TUT4: variants seen among roughly 807,000 people sequenced by gnomAD.
TUT4 encodes the protein terminal uridylyl transferase 4, also known as terminal uridylyltransferase 4.
In TUT4, 36 loss-of-function variants were observed where a neutral mutation model predicts 192.2. That is an observed-to-expected ratio of 0.19 (90% confidence interval 0.14 to 0.25). The LOEUF is 0.25. Ranked by LOEUF, TUT4 falls within the 10% of genes least tolerant of loss-of-function variation. The pLI, the probability that TUT4 is intolerant of heterozygous loss-of-function variation, is 1.00. For synonymous variants in TUT4, 618 were observed against 666.0 expected (o/e 0.93, Z 1.11); for missense variants, 1,493 against 1,957.2 (o/e 0.76, Z 4.47).
chr1:52,509,588 G>C lies in TUT4; in HGVS notation c.999+8C>G. 7.2e-7 allele frequency: 1 copy of C among 1,384,154 alleles called. No homozygotes were observed. The highest frequency in any genetic ancestry group is 1.0e-6 in the Non-Finnish European group (1 of 993,952). The allele number at this position is 1,384,154 out of a possible 1,614,324, so 85.7% of individuals were successfully genotyped here. A position where few individuals can be genotyped will look rare whatever the true frequency, so the allele number is the denominator to read the frequency against. Reference sequence around the variant, plus strand: ...AATAAATAAAAGTATTTTTTAAAAAGAACTTACCAAAATATTTTTCTTATG... The same window carrying C: ...AATAAATAAAAGTATTTTTTAAAAACAACTTACCAAAATATTTTTCTTATG... On this transcript the variant is annotated splice_region_variant and intron_variant, in intron 4 of 29. Transcript: ENST00000257177.
At chr1:52,442,407 T>C (rs1430086084) in intron 24 of TUT4, among the ~76,000 whole-genome samples, 2 of 152,228 alleles carry the variant, frequency 1.3e-5, no homozygotes, top group African/African-American at 4.8e-5. Context: ...CATGCTGTTA[T>C]AATCTCAGTA....
chr1:52,477,159 A>T (rs1667315391), intron 12 of TUT4, among the ~76,000 whole-genome samples: 1 of 152,202 alleles, frequency 6.6e-6, no homozygotes, highest in Non-Finnish European at 1.5e-5. Context: ...TTGCATAATT[A>T]AAAAATAAAA....
At chr1:52,489,226 T>A (rs1352549764) in intron 8 of TUT4, among the ~76,000 whole-genome samples, 191 bp from the exon 9 acceptor site, 1 of 152,222 alleles carries the variant, frequency 6.6e-6, no homozygotes, top group Non-Finnish European at 1.5e-5. Flanking sequence ...TAGAGTTCCA[T>A]ACGAATTAAA....
At chr1:52,536,377 C>T (rs1684900405) in intron 1 of TUT4, among the ~76,000 whole-genome samples, 2 of 152,044 alleles carry the variant, frequency 1.3e-5, no homozygotes, top group Admixed American at 6.6e-5. Flanking sequence ...GAAAGTAACA[C>T]ACACACACAA....
At chr1:52,435,156 T>C (rs765800269) in intron 27 of TUT4, 11 of 360,348 alleles carry the variant, frequency 3.1e-5, no homozygotes, top group Non-Finnish European at 5.0e-5. Context: ...CTCATATAAA[T>C]TAAGTAGCTT....
intron 2 of TUT4, among the ~76,000 whole-genome samples, chr1:52,517,558 A>G (rs868450888): frequency 6.6e-6 from 1 of 152,322 alleles, no homozygotes; most frequent in African/African-American, 2.4e-5. Context: ...GAGATGGTGC[A>G]TTTCCTACCA....
intron 2 of TUT4, among the ~76,000 whole-genome samples, chr1:52,520,451 G>A (rs1470207269): frequency 6.6e-6 from 1 of 152,194 alleles, no homozygotes; most frequent in Non-Finnish European, 1.5e-5. Context: ...AGCAGCATCA[G>A]CATCACTTGG....
chr1:52,484,965 C>CT (rs1669425511), intron 9 of TUT4, among the ~76,000 whole-genome samples: 1 of 152,174 alleles, frequency 6.6e-6, no homozygotes, highest in African/African-American at 2.4e-5. Flanking sequence ...TTTTGTAGCA[C>CT]TAAGCTCTAG....
At chr1:52,495,337 A>G (rs916573947) in intron 6 of TUT4, 90 bp downstream of exon 6, 7 of 758,246 alleles carry the variant, frequency 9.2e-6, no homozygotes, top group Admixed American at 3.0e-5. Flanking sequence ...CCAGAGTTTT[A>G]TATTTCCCTA....
intron 4 of TUT4, among the ~76,000 whole-genome samples, chr1:52,507,480 G>GTTTTTTTC (rs1675921442): frequency 6.7e-6 from 1 of 150,150 alleles, no homozygotes; most frequent in South Asian, 2.1e-4. Flanking sequence ...TTTTTTTTTT[G>GTTTTTTTC]TTTGTCATTT....
At chr1:52,527,757 C>T (rs1682209030) in intron 1 of TUT4, among the ~76,000 whole-genome samples, 1 of 152,102 alleles carries the variant, frequency 6.6e-6, no homozygotes, top group South Asian at 2.1e-4. Flanking sequence ...GGTTCATCCA[C>T]TGTAATAAAC....
At chr1:52,487,532 T>C (rs567522852) in intron 9 of TUT4, among the ~76,000 whole-genome samples, 2 of 152,282 alleles carry the variant, frequency 1.3e-5, no homozygotes, top group South Asian at 2.1e-4. Context: ...ATGCTAGGCA[T>C]AGAGTATAAG....
chr1:52,499,783 C>A (rs1376520852), intron 4 of TUT4, among the ~76,000 whole-genome samples: 2 of 151,336 alleles, frequency 1.3e-5, no homozygotes, highest in Non-Finnish European at 2.9e-5. Flanking sequence ...TGGAATCAAA[C>A]AGAGAGCCCA....
intron 1 of TUT4, among the ~76,000 whole-genome samples, chr1:52,539,906 T>TAAA (rs113259082): frequency 3.4e-5 from 4 of 116,380 alleles, no homozygotes; most frequent in African/African-American, 1.2e-4. Flanking sequence ...GACTCCGTCT[T>TAAA]AAAAAAAAAA....
At chr1:52,511,117 G>A (rs1357225080) in intron 3 of TUT4, among the ~76,000 whole-genome samples, 1 of 152,134 alleles carries the variant, frequency 6.6e-6, no homozygotes, top group African/African-American at 2.4e-5. Flanking sequence ...TCCTGCTACA[G>A]ACTAAAAATA....
intron 20 of TUT4, among the ~76,000 whole-genome samples, chr1:52,455,665 G>A (rs573687863): frequency 1.4e-5 from 2 of 145,852 alleles, no homozygotes; most frequent in Admixed American, 6.9e-5. Context: ...GGGCAGGGGA[G>A]GGGGGGAGAG....
At chr1:52,436,578 T>C (rs1376991657) in intron 26 of TUT4, among the ~76,000 whole-genome samples, 177 bp downstream of exon 26, 1 of 152,210 alleles carries the variant, frequency 6.6e-6, no homozygotes, top group East Asian at 1.9e-4. Flanking sequence ...AATAAACTTA[T>C]CCAAGTACTA....
At position 52,446,565 on chromosome 1, in the gene TUT4, A is replaced by C. The variant is rs756713803; in HGVS notation, c.3513+25T>G. On this transcript the variant is annotated intron_variant, in intron 21 of 29. Coordinates refer to ENST00000257177, the MANE Select transcript of TUT4 (RefSeq NM_001009881.3). ...TAACATATATCAGTGAGCATTCTAGAACATAAAGACTATTTTAAAATTACC... is the reference window on the plus strand; with the variant it reads ...TAACATATATCAGTGAGCATTCTAGCACATAAAGACTATTTTAAAATTACC... 1.9e-6 allele frequency: 3 copies of C among 1,580,562 alleles called. No homozygotes were observed. In the African/African-American group the frequency reaches 4.1e-5, roughly 22 times the overall value.
chr1:52,445,196 A>G (rs1657191323), intron 24 of TUT4, among the ~76,000 whole-genome samples: 1 of 151,952 alleles, frequency 6.6e-6, no homozygotes, highest in South Asian at 2.1e-4. Context: ...CCTAACCATA[A>G]GAAAGCAGGC....
Sources: allele counts gnomAD v4.1 joint callset (sites outside exome capture counted in the v4.1 genomes callset), GRCh38; gene constraint gnomAD v4.1.1; transcripts MANE v1.5; gene names NCBI Gene and HGNC (gene_info 2026-07-23, HGNC 2026-07-21).